The following ADAMTS3 variants were observed in gnomAD, a reference collection of about 807,000 sequenced individuals.
The protein encoded by ADAMTS3 is ADAM metallopeptidase with thrombospondin type 1 motif 3, also known as A disintegrin and metalloproteinase with thrombospondin motifs 3.
A neutral mutation model predicts 129.0 loss-of-function variants in ADAMTS3; 73 were observed. The ratio of observed to expected loss-of-function variants is 0.57; its 90% CI spans 0.47 to 0.69. The LOEUF is 0.69. Among genes scored for constraint, ADAMTS3 ranks in the 30% least tolerant of loss-of-function variants. ADAMTS3 has a pLI of 0.00. For synonymous variants in ADAMTS3, 477 were observed against 510.8 expected (o/e 0.93, Z 0.89); for missense variants, 1,457 against 1,514.5 (o/e 0.96, Z 0.63).
chr4:72,382,885 A>G (rs2109881429), intron 4 of ADAMTS3, among the ~76,000 whole-genome samples: 1 of 152,280 alleles, frequency 6.6e-6, no homozygotes, highest in African/African-American at 2.4e-5. Flanking sequence ...TGGGGAGGGT[A>G]GGAGGAAAGC....
At chr4:72,538,460 A>T (rs188706481) in intron 3 of ADAMTS3, among the ~76,000 whole-genome samples, 44 of 152,218 alleles carry the variant, frequency 2.9e-4, no homozygotes, top group African/African-American at 9.6e-4. Context: ...AAACTTTTAG[A>T]TTCCAGAGGC....
intron 2 of ADAMTS3, among the ~76,000 whole-genome samples, chr4:72,556,094 C>G (rs950862344): frequency 6.6e-6 from 1 of 151,696 alleles, no homozygotes; most frequent in Admixed American, 6.6e-5. Flanking sequence ...AGTGTGAGAA[C>G]AGACTAATAC....
intron 3 of ADAMTS3, among the ~76,000 whole-genome samples, chr4:72,484,345 A>G (rs534107925): frequency 3.9e-5 from 6 of 152,306 alleles, no homozygotes; most frequent in Admixed American, 1.3e-4. Flanking sequence ...TTCCATTATC[A>G]TTTATAAACC....
At chr4:72,435,750 G>C (rs942583031) in intron 3 of ADAMTS3, among the ~76,000 whole-genome samples, 1 of 151,902 alleles carries the variant, frequency 6.6e-6, no homozygotes, top group Non-Finnish European at 1.5e-5. Flanking sequence ...ATAGGAAATG[G>C]GGAAAGGATT....
intron 20 of ADAMTS3, 87 bp downstream of exon 20, chr4:72,290,768 C>A: frequency 7.2e-7 from 1 of 1,379,602 alleles, no homozygotes. Context: ...TCACACAAAG[C>A]CTAACTGATG....
At chr4:72,288,486 C>T (rs140198636) in intron 21 of ADAMTS3, among the ~76,000 whole-genome samples, 2 of 152,238 alleles carry the variant, frequency 1.3e-5, no homozygotes, top group African/African-American at 4.8e-5. Context: ...AATTGATAGA[C>T]GTTACATATA....
intron 3 of ADAMTS3, among the ~76,000 whole-genome samples, chr4:72,416,966 C>A (rs1722322486): frequency 6.6e-6 from 1 of 152,126 alleles, no homozygotes; most frequent in Non-Finnish European, 1.5e-5. Flanking sequence ...CTGCTGGTAG[C>A]AAAAAGCGTG....
At chr4:72,433,998 C>A (rs951844154) in intron 3 of ADAMTS3, among the ~76,000 whole-genome samples, 1 of 151,844 alleles carries the variant, frequency 6.6e-6, no homozygotes, top group Non-Finnish European at 1.5e-5. Context: ...CTCATTACAA[C>A]AGTAGCTGAC....
intron 5 of ADAMTS3, among the ~76,000 whole-genome samples, chr4:72,339,136 T>C (rs1720062717): frequency 6.6e-6 from 1 of 152,192 alleles, no homozygotes; most frequent in Admixed American, 6.5e-5. Context: ...ATTTCATCCT[T>C]CATAGGCAAC....
At chr4:72,288,925 C>CAT (rs1032925879) in intron 20 of ADAMTS3, 57 bp from the exon 21 acceptor site, 754 of 60,332 alleles carry the variant, frequency 0.012, 1 homozygote, top group African/African-American at 0.069. Flanking sequence ...CATGCACATA[C>CAT]ACACACACAC....
chr4:72,534,255 T>C (rs788916), intron 3 of ADAMTS3, among the ~76,000 whole-genome samples: 151,466 of 152,210 alleles, frequency 1, 75,367 homozygotes, highest in Middle Eastern at 1. Flanking sequence ...TGAACCCGGG[T>C]GGCGGAGTTT....
chr4:72,390,387 C>G (rs1457218886), intron 4 of ADAMTS3, among the ~76,000 whole-genome samples: 1 of 152,044 alleles, frequency 6.6e-6, no homozygotes, highest in Non-Finnish European at 1.5e-5. Flanking sequence ...CTCAAAAGAA[C>G]CCAGTGAGGA....
chr4:72,475,537 G>A (rs951905163), intron 3 of ADAMTS3, among the ~76,000 whole-genome samples: 6 of 151,794 alleles, frequency 4.0e-5, no homozygotes, highest in African/African-American at 1.5e-4. Context: ...ATTGAAAGAA[G>A]AAACAAACAA....
chr4:72,527,704 C>A (rs1578764132), intron 3 of ADAMTS3, among the ~76,000 whole-genome samples: 3 of 152,178 alleles, frequency 2.0e-5, no homozygotes, highest in Admixed American at 6.5e-5. Context: ...ACCAAAGAGA[C>A]ATGGCTTTCT....
Position 72,312,479 on chromosome 4 carries a change from C to G in ADAMTS3, c.1746-13G>C. Reference sequence around the variant, plus strand: ...ACCATTGATGGGCCTAAAGAAAAGACAACATTTAAAAAGGCCTTTTGGCTT... The same window carrying G: ...ACCATTGATGGGCCTAAAGAAAAGAGAACATTTAAAAAGGCCTTTTGGCTT... On this transcript the variant is annotated splice_polypyrimidine_tract_variant and intron_variant, in intron 12 of 21. Coordinates refer to ENST00000286657, the MANE Select transcript of ADAMTS3 (RefSeq NM_014243.3). 1 of 1,612,176 alleles carries G rather than the reference C, an allele frequency of 6.2e-7. No individual in the cohort carries two copies. The highest frequency in any genetic ancestry group is 8.5e-7 in the Non-Finnish European group (1 of 1,178,958).
chr4:72,501,685 C>T (rs1720028480), intron 3 of ADAMTS3, among the ~76,000 whole-genome samples: 2 of 151,962 alleles, frequency 1.3e-5, no homozygotes, highest in Admixed American at 1.3e-4. Context: ...CTTCCTGTTC[C>T]TGTTCTCAAG....
chr4:72,286,734 T>C (rs1718515150), intron 21 of ADAMTS3, among the ~76,000 whole-genome samples: 1 of 151,978 alleles, frequency 6.6e-6, no homozygotes, highest in African/African-American at 2.4e-5. Context: ...AGAGAAGGGT[T>C]GTGGTGGATG....
chr4:72,323,783 A>C (rs1719627585), intron 5 of ADAMTS3, among the ~76,000 whole-genome samples: 2 of 152,188 alleles, frequency 1.3e-5, no homozygotes, highest in South Asian at 4.1e-4. Flanking sequence ...ATTAGGCTGA[A>C]ATTTCTAAAA....
chr4:72,445,836 A>C (rs1718236772), intron 3 of ADAMTS3, among the ~76,000 whole-genome samples: 1 of 151,786 alleles, frequency 6.6e-6, no homozygotes, highest in African/African-American at 2.4e-5. Context: ...TCATTAAAGA[A>C]TGATATCAGT....
Sources: allele counts gnomAD v4.1 joint callset (sites outside exome capture counted in the v4.1 genomes callset), GRCh38; gene constraint gnomAD v4.1.1; transcripts MANE v1.5; gene names NCBI Gene and HGNC (gene_info 2026-07-23, HGNC 2026-07-21).